The following VPS13B variants were observed in gnomAD, a reference collection of about 807,000 sequenced individuals.
The protein encoded by VPS13B is intermembrane lipid transfer protein VPS13B.
VPS13B carries 285 observed loss-of-function variants against 426.4 expected under a neutral mutation model. The ratio of observed to expected loss-of-function variants is 0.67; its 90% CI spans 0.61 to 0.74. The LOEUF is 0.74. VPS13B is among the 30% of genes least tolerant of loss of function. The probability of loss-of-function intolerance (pLI) is 0.00; values close to 1 mark genes in which losing one functional copy is unlikely to be tolerated. For synonymous variants in VPS13B, 1,676 were observed against 1,676.4 expected, an observed-to-expected ratio of 1.00 and a Z score of 0.01; for missense variants, 4,537 against 4,782.6, an observed-to-expected ratio of 0.95 and a Z score of 1.51.
intron 33 of VPS13B, among the ~76,000 whole-genome samples, chr8:99,597,071 A>T (rs1827057974): frequency 6.6e-6 from 1 of 152,080 alleles, no homozygotes; most frequent in African/African-American, 2.4e-5. Flanking sequence ...GTACGTCTAT[A>T]GTGACAAATA....
At chr8:99,831,955 T>C (rs1193800127) in intron 51 of VPS13B, among the ~76,000 whole-genome samples, 1 of 152,166 alleles carries the variant, frequency 6.6e-6, no homozygotes, top group African/African-American at 2.4e-5. Flanking sequence ...TTATAGATGG[T>C]GTCTTAGAAG....
chr8:99,508,301 T>A (rs1387270534), intron 28 of VPS13B, among the ~76,000 whole-genome samples: 1 of 152,206 alleles, frequency 6.6e-6, no homozygotes, highest in Non-Finnish European at 1.5e-5. Context: ...TAATTCAAAG[T>A]AACTTGTGTG....
At chr8:99,696,863 T>A in intron 35 of VPS13B, 1 of 860,712 alleles carries the variant, frequency 1.2e-6, no homozygotes, top group Non-Finnish European at 2.0e-6. Context: ...GGAGCTGCAG[T>A]CCATCGGCAT....
intron 16 of VPS13B, among the ~76,000 whole-genome samples, chr8:99,188,319 CAG>C (rs1469972159): frequency 2.6e-5 from 4 of 151,974 alleles, no homozygotes; most frequent in Non-Finnish European, 4.4e-5. Flanking sequence ...TTTATAATAA[CAG>C]AATAATATAA....
intron 36 of VPS13B, among the ~76,000 whole-genome samples, chr8:99,715,692 T>A (rs1832890184): frequency 6.6e-6 from 1 of 152,192 alleles, no homozygotes; most frequent in Non-Finnish European, 1.5e-5. Flanking sequence ...CAAAGATATG[T>A]GTATTTGAAA....
chr8:99,015,474 C>T (rs949534685), intron 2 of VPS13B, among the ~76,000 whole-genome samples: 1 of 151,518 alleles, frequency 6.6e-6, no homozygotes, highest in African/African-American at 2.4e-5. Context: ...CCTCAGCCTC[C>T]CAAAGTGCTG....
intron 39 of VPS13B, among the ~76,000 whole-genome samples, chr8:99,743,446 T>A (rs1272771904): frequency 6.6e-6 from 1 of 152,012 alleles, no homozygotes; most frequent in Non-Finnish European, 1.5e-5. Context: ...TACCAATGAC[T>A]TTCTTCACAG....
rs1825736191 is a variant in VPS13B at position 99,575,552 on chromosome 8, T to C, written c.4950-106T>C. On this transcript the variant is annotated intron_variant, in intron 31 of 61. Transcript: ENST00000357162. ...CAAATAGGCACTCTCAAAATAATAA[T>C]GTAATTTTGCCATACATGTTTGTAG... 5 of 1,385,446 alleles carry C rather than the reference T, an allele frequency of 3.6e-6. No individual in the cohort carries two copies. The South Asian group carries it at 6.2e-5, about 17-fold the overall frequency. 85.8% of individuals were successfully genotyped at this position (1,385,446 alleles called of 1,614,324 possible).
chr8:99,266,238 G>A (rs1588189272), intron 17 of VPS13B, among the ~76,000 whole-genome samples: 2 of 151,728 alleles, frequency 1.3e-5, no homozygotes, highest in African/African-American at 4.8e-5. Flanking sequence ...GGGCACCATA[G>A]TGAGACCCTG....
chr8:99,420,488 A>G (rs1816308642), intron 21 of VPS13B, among the ~76,000 whole-genome samples: 1 of 152,178 alleles, frequency 6.6e-6, no homozygotes, highest in Non-Finnish European at 1.5e-5. Context: ...GCAAAACAGT[A>G]ATTTAATGCT....
At chr8:99,326,431 C>A in intron 19 of VPS13B, among the ~76,000 whole-genome samples, 1 of 92,932 alleles carries the variant, frequency 1.1e-5, no homozygotes, top group African/African-American at 4.2e-5. Flanking sequence ...GGCAGAATTT[C>A]TATCTATCAT....
intron 33 of VPS13B, among the ~76,000 whole-genome samples, chr8:99,586,287 A>G (rs1178541173): frequency 1.3e-5 from 2 of 152,140 alleles, no homozygotes; most frequent in South Asian, 2.1e-4. Flanking sequence ...TTTCTGATGG[A>G]ATCCTTGCTA....
intron 39 of VPS13B, among the ~76,000 whole-genome samples, chr8:99,758,973 A>G (rs1008749903): frequency 6.6e-6 from 1 of 152,062 alleles, no homozygotes; most frequent in Non-Finnish European, 1.5e-5. Context: ...CACCAGTGCC[A>G]CTGGCCTTTA....
chr8:99,067,049 T>G (rs897703901), intron 3 of VPS13B, among the ~76,000 whole-genome samples: 1 of 151,888 alleles, frequency 6.6e-6, no homozygotes, highest in African/African-American at 2.4e-5. Context: ...TTGGTGGGAG[T>G]GTAAATTAGT....
At chr8:99,764,507 G>A (rs750847586) in intron 39 of VPS13B, among the ~76,000 whole-genome samples, 3 of 147,666 alleles carry the variant, frequency 2.0e-5, no homozygotes, top group Non-Finnish European at 4.4e-5. Context: ...TCCACCTCCT[G>A]GGTTTAAGCA....
At chr8:99,790,348 T>C (rs771861203) in intron 43 of VPS13B, among the ~76,000 whole-genome samples, 7 of 152,216 alleles carry the variant, frequency 4.6e-5, no homozygotes, top group African/African-American at 7.2e-5. Context: ...CTCCTGCCAT[T>C]ATTTCTCTGT....
At chr8:99,519,793 G>T (rs1275765655) in intron 29 of VPS13B, among the ~76,000 whole-genome samples, 10 of 137,998 alleles carry the variant, frequency 7.2e-5, no homozygotes, top group Non-Finnish European at 1.4e-4. Flanking sequence ...ATACACCGGG[G>T]CCTGTTGTGG....
chr8:99,228,476 T>C (rs985010102), intron 17 of VPS13B, among the ~76,000 whole-genome samples: 3 of 152,212 alleles, frequency 2.0e-5, no homozygotes, highest in Admixed American at 2.0e-4. Context: ...ATTTTAACAT[T>C]AATGAATGTA....
At chr8:99,613,939 G>A (rs935103206) in intron 33 of VPS13B, 1 of 152,248 alleles carries the variant, frequency 6.6e-6, no homozygotes, top group African/African-American at 2.4e-5. Flanking sequence ...CCTGATTCCA[G>A]GAGGTCACCA....
Sources: gnomAD v4.1 joint callset for allele counts (sites outside exome capture counted in the v4.1 genomes callset) on GRCh38, gnomAD v4.1.1 for gene constraint, MANE v1.5 for transcripts, NCBI Gene and HGNC (gene_info 2026-07-23, HGNC 2026-07-21) for gene names.